Variants in ARL4D observed in about 807,000 individuals in gnomAD.
ARL4D encodes the protein ARF like GTPase 4D.
ARL4D carries 1 observed loss-of-function variant against 0.6 expected under a neutral mutation model. That is an observed-to-expected ratio of 1.64 (90% CI 0.58 to 7.76). ARL4D has a LOEUF of 7.76. Among genes scored for constraint, ARL4D ranks in the 30% most tolerant of loss-of-function variants. The pLI is 0.14. For missense variants in ARL4D, 230 were observed against 264.5 expected (o/e 0.87, Z 0.90); for synonymous variants, 102 against 115.2 (o/e 0.89, Z 0.73).
In ARL4D at chr17:43,400,482, C is replaced by T. The variant is rs1478052622; in HGVS notation, c.*144C>T. The T allele has an allele frequency of 6.4e-6, 7 of 1,095,914 alleles. No homozygotes were observed. Among genetic ancestry groups the T allele is most frequent in the South Asian group, 3.4e-5 (2 of 59,608 alleles). The allele number at this position is 1,095,914 out of a possible 1,614,324, so 67.9% of individuals were successfully genotyped here. ...AAGGAGAGAGGAGCATGGGGTGTCCCGTTTTGGTGCCACACTGGGGTGGGG... is the reference window on the plus strand; with the variant it reads ...AAGGAGAGAGGAGCATGGGGTGTCCTGTTTTGGTGCCACACTGGGGTGGGG... On this transcript the variant is annotated 3_prime_UTR_variant, in exon 2 of 2. Transcript: ENST00000320033.
rs1216488650 is a variant in ARL4D, at chr17:43,401,076, A to C, written c.*738A>C. On this transcript the variant is annotated 3_prime_UTR_variant, in exon 2 of 2. Transcript: ENST00000320033. ...CAAAGCAAGCACTTATAAAAATTAG[A>C]TTGTGTGTTACGGGATGGCTTGTGA... 6.0e-6 allele frequency: 1 copy of C among 166,992 alleles called. No individual in the cohort carries two copies. The highest frequency in any genetic ancestry group is 1.5e-5 in the Non-Finnish European group (1 of 68,128). The allele number at this position is 166,992 out of a possible 1,614,324, so 10.3% of individuals were successfully genotyped here.
At position 43,400,691 on chromosome 17, in the gene ARL4D, A is replaced by C. The variant is rs1051646303; in HGVS notation, c.*353A>C. 9.8e-6 allele frequency: 2 copies of C among 204,372 alleles called. No homozygotes were observed. The highest frequency in any genetic ancestry group is 1.1e-5 in the Non-Finnish European group (1 of 90,546). The allele number at this position is 204,372 out of a possible 1,614,324, so 12.7% of individuals were successfully genotyped here. On this transcript the variant is annotated 3_prime_UTR_variant, in exon 2 of 2. Transcript: ENST00000320033. ...CGGGGGGATGGAAGTGACTTGGAGA[A>C]TGTGTTTGGGATGAAATAACTATCT...
Position 43,400,033 on chromosome 17 carries a change from G to T in ARL4D, c.301G>T (p.Val101Leu). 1.9e-6 allele frequency: 3 copies of T among 1,613,988 alleles called. No individual in the cohort carries two copies. The highest frequency in any genetic ancestry group is 2.5e-6 in the Non-Finnish European group (3 of 1,180,032). Reference protein sequence around the residue: ...TRRTDGLVFVVDAAEAERLEE... With the variant: ...TRRTDGLVFVLDAAEAERLEE... ...CCGGACAGACGGTCTAGTGTTTGTG[G>T]TGGACGCTGCGGAGGCTGAGCGGCT... The change falls in exon 2 of 2, where the codon GTG becomes TTG. Residue 101 changes from valine to leucine, a missense_variant. Val to Leu is a conservative substitution (Grantham distance 32). This residue lies in a region of ARL4D where 131 missense variants were observed against 134.4 expected (regional missense o/e 0.97). Transcript: ENST00000320033.
chr17:43,399,406 G>A (rs1325712654), intron 1 of ARL4D, among the ~76,000 whole-genome samples: 1 of 151,820 alleles, frequency 6.6e-6, no homozygotes, highest in African/African-American at 2.4e-5. Context: ...GAAGCCCACT[G>A]TCCATGGATC....
In ARL4D at chr17:43,400,287, G is replaced by A; in HGVS notation, c.555G>A (p.Glu185=). The change falls in exon 2 of 2, where the codon GAG becomes GAA. Residue 185 remains glutamate (E), a synonymous_variant. Coordinates refer to ENST00000320033, the MANE Select transcript of ARL4D (RefSeq NM_001661.4). ...GLQQGLERLY[E]MILKRKKAAR... ...AGCAGGGCCTTGAGCGCCTCTATGA[G>A]ATGATCCTCAAGAGGAAGAAGGCAG... is the stretch of plus-strand genomic sequence containing the variant. The A allele has an allele frequency of 1.2e-6, 2 of 1,606,934 alleles. No individual in the cohort carries two copies. Among genetic ancestry groups the A allele is most frequent in the Non-Finnish European group, 1.7e-6 (2 of 1,177,032 alleles).
Position 43,400,449 on chromosome 17 carries a change from C to A in ARL4D, c.*111C>A. ...CAGACTGGGGTGCAGGACCTGTCCA[C>A]CTCAATGAAGGAGAGAGGAGCATGG... On this transcript the variant is annotated 3_prime_UTR_variant, in exon 2 of 2. Coordinates refer to ENST00000320033, the MANE Select transcript of ARL4D (RefSeq NM_001661.4). 1.4e-6 allele frequency: 2 copies of A among 1,394,036 alleles called. No homozygotes were observed. Among genetic ancestry groups the A allele is most frequent in the East Asian group, 4.7e-5 (2 of 42,622 alleles). 86.4% of individuals were successfully genotyped at this position (1,394,036 alleles called of 1,614,324 possible).
At chr17:43,399,478 C>T (rs1473622359) in intron 1 of ARL4D, among the ~76,000 whole-genome samples, 183 bp from the exon 2 acceptor site, 1 of 151,210 alleles carries the variant, frequency 6.6e-6, no homozygotes, top group Non-Finnish European at 1.5e-5. Context: ...CCCATCGCCC[C>T]CCTCACGACC....
In ARL4D at chr17:43,400,608, A is replaced by T; in HGVS notation, c.*270A>T. On this transcript the variant is annotated 3_prime_UTR_variant, in exon 2 of 2. Coordinates refer to ENST00000320033, the MANE Select transcript of ARL4D (RefSeq NM_001661.4). ...AAATGTAAACTGTGACTCTACCTCG[A>T]CCCTGTTTCTTATTTTTCTTCTCTG... The T allele has an allele frequency of 2.8e-6, 1 of 354,036 alleles. No homozygotes were observed. Among genetic ancestry groups the T allele is most frequent in the Admixed American group, 4.4e-5 (1 of 22,712 alleles). 21.9% of individuals were successfully genotyped at this position (354,036 alleles called of 1,614,324 possible). A position where few individuals can be genotyped will look rare whatever the true frequency, so the allele number is the denominator to read the frequency against.
rs1262743994 is a variant in ARL4D, at chr17:43,400,104, C to A, written c.372C>A (p.Asp124Glu). 4 of 1,611,206 alleles carry A rather than the reference C, an allele frequency of 2.5e-6. No homozygotes were observed. The highest frequency in any genetic ancestry group is 3.4e-6 in the Non-Finnish European group (4 of 1,179,918). Residue 124 changes from aspartate (D) to glutamate (E), a missense_variant, in exon 2 of 2, where the codon GAC becomes GAA. Coordinates refer to ENST00000320033, the MANE Select transcript of ARL4D (RefSeq NM_001661.4). ...TGCACCGAATCAGCCGGGCCTCGGA[C>A]AACCAGGGCGTGCCAGTGCTGGTGC... Reference protein sequence around the residue: ...VELHRISRASDNQGVPVLVLA... With the variant: ...VELHRISRASENQGVPVLVLA...
intron 1 of ARL4D, 142 bp downstream of exon 1, chr17:43,399,235 T>G (rs879609470): frequency 1.2e-3 from 194 of 157,918 alleles, no homozygotes; most frequent in Non-Finnish European, 2.1e-3. Flanking sequence ...AAGGGCACCG[T>G]GTCAACGGCT....
In ARL4D at chr17:43,400,350, C is replaced by T. The variant is rs774799110; in HGVS notation, c.*12C>T. The T allele has an allele frequency of 1.7e-5, 26 of 1,558,396 alleles. No homozygotes were observed. In the East Asian group the frequency reaches 2.0e-4, roughly 12 times the overall value. On this transcript the variant is annotated 3_prime_UTR_variant, in exon 2 of 2. Coordinates refer to ENST00000320033, the MANE Select transcript of ARL4D (RefSeq NM_001661.4). ...AGAAGAGACGGTGACCCAAGCCCCC[C>T]CTCCCTTTCCTCCCACCTAGTAGGG...
chr17:43,399,588 G>A (rs1205803037), intron 1 of ARL4D, 73 bp from the exon 2 acceptor site: 2 of 1,032,698 alleles, frequency 1.9e-6, no homozygotes, highest in Non-Finnish European at 2.8e-6. Flanking sequence ...TTTAGGAAGG[G>A]ATCAAGAAGT....
chr17:43,400,277 G>C lies in ARL4D; in HGVS notation c.545G>C (p.Arg182Pro). 1 of 1,608,892 alleles carries C rather than the reference G, an allele frequency of 6.2e-7. No individual in the cohort carries two copies. The highest frequency in any genetic ancestry group is 8.5e-7 in the Non-Finnish European group (1 of 1,178,506). The change falls in exon 2 of 2, where the codon CGC becomes CCC. Residue 182 changes from arginine (R) to proline (P), a missense_variant. Physicochemically the swap from Arg to Pro is moderately radical, Grantham distance 103. This residue lies in a region of ARL4D where 131 missense variants were observed against 134.4 expected (regional missense o/e 0.97). Coordinates refer to ENST00000320033, the MANE Select transcript of ARL4D (RefSeq NM_001661.4). ...CTGGGCCTGCAGCAGGGCCTTGAGCGCCTCTATGAGATGATCCTCAAGAGG... is the reference window on the plus strand; with the variant it reads ...CTGGGCCTGCAGCAGGGCCTTGAGCCCCTCTATGAGATGATCCTCAAGAGG... ...DGLGLQQGLE[R>P]LYEMILKRKK...
In ARL4D at chr17:43,400,090, A is replaced by G; in HGVS notation, c.358A>G (p.Ser120Gly). The part of the protein sequence containing the change: ...EEAKVELHRI[S>G]RASDNQGVPV... ...AGCCAAGGTGGAGTTGCACCGAATC[A>G]GCCGGGCCTCGGACAACCAGGGCGT... The change falls in exon 2 of 2, where the codon AGC becomes GGC. Residue 120 changes from serine to glycine, a missense_variant. Physicochemically the swap from Ser to Gly is moderately conservative, Grantham distance 56 (BLOSUM62 0). This residue lies in a region of ARL4D where 131 missense variants were observed against 134.4 expected (regional missense o/e 0.97). Coordinates refer to ENST00000320033, the MANE Select transcript of ARL4D (RefSeq NM_001661.4). 4 of 1,612,280 alleles carry G rather than the reference A, an allele frequency of 2.5e-6. No homozygotes were observed. The highest frequency in any genetic ancestry group is 3.4e-6 in the Non-Finnish European group (4 of 1,179,958).
chr17:43,400,720 C>T lies in ARL4D; in HGVS notation c.*382C>T. On this transcript the variant is annotated 3_prime_UTR_variant, in exon 2 of 2. Transcript: ENST00000320033. ...GTTTGGGATGAAATAACTATCTCCC[C>T]TTCCTCTGTCCCCCAACTGGGGAGT... The T allele has an allele frequency of 5.4e-6, 1 of 186,786 alleles. No homozygotes were observed. Among genetic ancestry groups the T allele is most frequent in the Non-Finnish European group, 1.3e-5 (1 of 79,336 alleles). 11.6% of individuals were successfully genotyped at this position (186,786 alleles called of 1,614,324 possible).
At position 43,400,780 on chromosome 17, in the gene ARL4D, A is replaced by G. The variant is rs1157829883; in HGVS notation, c.*442A>G. The G allele has an allele frequency of 5.7e-6, 1 of 176,298 alleles. No homozygotes were observed. The highest frequency in any genetic ancestry group is 2.4e-5 in the African/African-American group (1 of 41,568). 10.9% of individuals were successfully genotyped at this position (176,298 alleles called of 1,614,324 possible). On this transcript the variant is annotated 3_prime_UTR_variant, in exon 2 of 2. Coordinates refer to ENST00000320033, the MANE Select transcript of ARL4D (RefSeq NM_001661.4). ...CTGCTTTTCTAGGAATACCAGTCAC[A>G]TAGTTTTTATTTTTGTGTCTGTGAA...
At chr17:43,399,405 T>G (rs1392701864) in intron 1 of ARL4D, among the ~76,000 whole-genome samples, 1 of 151,740 alleles carries the variant, frequency 6.6e-6, no homozygotes, top group Non-Finnish European at 1.5e-5. Context: ...AGAAGCCCAC[T>G]GTCCATGGAT....
chr17:43,399,569 G>A, intron 1 of ARL4D, 92 bp from the exon 2 acceptor site: 1 of 859,076 alleles, frequency 1.2e-6, no homozygotes, highest in Non-Finnish European at 1.7e-6. Context: ...ATGAAGGATG[G>A]GAGGGTGATT....
chr17:43,399,593 A>C, intron 1 of ARL4D, 68 bp from the exon 2 acceptor site: 1 of 1,093,100 alleles, frequency 9.1e-7, no homozygotes, highest in South Asian at 1.6e-5. Context: ...GAAGGGATCA[A>C]GAAGTTGCAA....
Sources: gnomAD v4.1 joint callset for allele counts (sites outside exome capture counted in the v4.1 genomes callset) on GRCh38, gnomAD v4.1.1 for gene constraint, gnomAD v4.1.1 regional missense constraint, MANE v1.5 for transcripts, NCBI Gene and HGNC (gene_info 2026-07-23, HGNC 2026-07-21) for gene names.